Variants in B4GALT6 observed in about 807,000 individuals in gnomAD.
B4GALT6 encodes the protein UDP-Gal:beta-GlcNAc beta-1,4-galactosyltransferase 6.
B4GALT6 carries 14 observed loss-of-function variants against 46.3 expected under a neutral mutation model. The ratio of observed to expected loss-of-function variants is 0.30; its 90% CI spans 0.20 to 0.47. The LOEUF (loss-of-function observed/expected upper bound fraction) is 0.47. B4GALT6 is among the 20% of genes least tolerant of loss of function. The pLI, the probability that B4GALT6 is intolerant of heterozygous loss-of-function variation, is 0.99. For synonymous variants in B4GALT6, 168 were observed against 162.0 expected, an observed-to-expected ratio of 1.04 and a Z score of -0.28; for missense variants, 386 against 480.1, an observed-to-expected ratio of 0.80 and a Z score of 1.83.
At chr18:31,691,638 T>A in the B4GALT6 span, among the ~76,000 whole-genome samples, 1 of 152,126 alleles carries the variant, frequency 6.6e-6, no homozygotes, top group African/African-American at 2.4e-5. Flanking sequence ...GTCATAAGGC[T>A]CATAAGATTT....
In B4GALT6 at chr18:31,625,459, A is replaced by G. The variant is rs2073680014; in HGVS notation, c.*155T>C. Reference sequence around the variant, plus strand: ...AGGGAGGACGGGTGAGAGAAGGGTGACTGTATATAGTCCCACTCTGTAAAC... The same window carrying G: ...AGGGAGGACGGGTGAGAGAAGGGTGGCTGTATATAGTCCCACTCTGTAAAC... On this transcript the variant is annotated 3_prime_UTR_variant, in exon 9 of 9. Coordinates refer to ENST00000306851, the MANE Select transcript of B4GALT6 (RefSeq NM_004775.5). 1.4e-6 allele frequency: 1 copy of G among 717,964 alleles called. No homozygotes were observed. Among genetic ancestry groups the G allele is most frequent in the Non-Finnish European group, 2.2e-6 (1 of 453,084 alleles). 44.5% of individuals were successfully genotyped at this position (717,964 alleles called of 1,614,324 possible).
chr18:31,688,007 T>C (rs962035001), upstream of B4GALT6, among the ~76,000 whole-genome samples: 2 of 152,038 alleles, frequency 1.3e-5, no homozygotes, highest in African/African-American at 4.8e-5. Flanking sequence ...AAGAAAATAG[T>C]GTATAGAATC....
intron 4 of B4GALT6, among the ~76,000 whole-genome samples, chr18:31,644,141 T>G (rs1489726675): frequency 6.6e-6 from 1 of 152,220 alleles, no homozygotes; most frequent in African/African-American, 2.4e-5. Flanking sequence ...AAATTAAATG[T>G]TTTGCTAAAA....
the B4GALT6 span, among the ~76,000 whole-genome samples, chr18:31,702,128 G>A: frequency 3.9e-5 from 6 of 152,156 alleles, no homozygotes; most frequent in African/African-American, 1.4e-4. Flanking sequence ...ATACTTTCTT[G>A]CACCTATTGG....
At chr18:31,710,488 A>G in the B4GALT6 span, among the ~76,000 whole-genome samples, 1 of 152,154 alleles carries the variant, frequency 6.6e-6, no homozygotes, top group African/African-American at 2.4e-5. Flanking sequence ...CTATCCTTAC[A>G]TCAGAGGAGA....
the B4GALT6 span, among the ~76,000 whole-genome samples, chr18:31,705,336 C>T: frequency 6.6e-6 from 1 of 152,184 alleles, no homozygotes; most frequent in Non-Finnish European, 1.5e-5. Flanking sequence ...TTTTAACAAA[C>T]TCACTCATGG....
chr18:31,724,160 T>G, the B4GALT6 span: 1 of 248,586 alleles, frequency 4.0e-6, no homozygotes, highest in African/African-American at 2.3e-5. Context: ...TAAATAAAGG[T>G]GTAGTTAATA....
At chr18:31,701,230 G>C in the B4GALT6 span, among the ~76,000 whole-genome samples, 2 of 152,092 alleles carry the variant, frequency 1.3e-5, no homozygotes, top group African/African-American at 4.8e-5. Flanking sequence ...TCTTGTGGTG[G>C]TGAGTGAGTA....
chr18:31,669,526 A>G (rs532046037), intron 1 of B4GALT6, among the ~76,000 whole-genome samples: 2 of 152,266 alleles, frequency 1.3e-5, no homozygotes, highest in South Asian at 2.1e-4. Context: ...ACTTTTTTCT[A>G]ATTTCTTAAT....
chr18:31,698,556 A>G, the B4GALT6 span, among the ~76,000 whole-genome samples: 1 of 152,120 alleles, frequency 6.6e-6, no homozygotes, highest in Non-Finnish European at 1.5e-5. Context: ...TCTTGAACCC[A>G]GAAGTTGGAG....
chr18:31,668,479 AAAAT>A (rs1347723754), intron 1 of B4GALT6, among the ~76,000 whole-genome samples: 6 of 152,234 alleles, frequency 3.9e-5, no homozygotes, highest in Non-Finnish European at 8.8e-5. Context: ...GAAATTATTT[AAAAT>A]AAATAGACCA....
At chr18:31,628,753 C>T (rs2073735563) in intron 6 of B4GALT6, among the ~76,000 whole-genome samples, 1 of 152,168 alleles carries the variant, frequency 6.6e-6, no homozygotes, top group Non-Finnish European at 1.5e-5. Flanking sequence ...CTGCCATTCT[C>T]CTAGAGCTAC....
chr18:31,663,314 A>G (rs1276587801), intron 2 of B4GALT6, among the ~76,000 whole-genome samples: 2 of 152,186 alleles, frequency 1.3e-5, no homozygotes, highest in African/African-American at 4.8e-5. Context: ...GGGGGCCTCA[A>G]TTCATGTACC....
At chr18:31,712,523 G>A in the B4GALT6 span, among the ~76,000 whole-genome samples, 14 of 151,846 alleles carry the variant, frequency 9.2e-5, no homozygotes, top group Non-Finnish European at 2.1e-4. Flanking sequence ...GGCTGGTCTC[G>A]AACTCCTGAC....
At chr18:31,717,629 A>G in the B4GALT6 span, among the ~76,000 whole-genome samples, 1 of 152,234 alleles carries the variant, frequency 6.6e-6, no homozygotes, top group African/African-American at 2.4e-5. Context: ...AGCAGAATCC[A>G]AAACAGAATG....
chr18:31,638,774 T>TA lies in B4GALT6; in HGVS notation c.472-15dup. 1.3e-6 allele frequency: 2 copies of TA among 1,559,314 alleles called. No individual in the cohort carries two copies. Among genetic ancestry groups the TA allele is most frequent in the Non-Finnish European group, 1.8e-6 (2 of 1,130,502 alleles). On this transcript the variant is annotated splice_polypyrimidine_tract_variant and intron_variant, in intron 4 of 8. Coordinates refer to ENST00000306851, the MANE Select transcript of B4GALT6 (RefSeq NM_004775.5). ...GAGAACTGCCACCTTTAAAACAAAA[T>TA]AGTCATGTATGTAAATAAATATATC...
rs560166491 is a variant in B4GALT6, at chr18:31,666,387, T to C, written c.116-15A>G. ...ATATGTGTTGGCTATAAAAGAAAAA[T>C]AGAGAAAGAATGTCATAACACAGTA... On this transcript the variant is annotated splice_polypyrimidine_tract_variant and intron_variant, in intron 1 of 8. Transcript: ENST00000306851. 4 of 1,345,142 alleles carry C rather than the reference T, an allele frequency of 3.0e-6. No individual in the cohort carries two copies. Among genetic ancestry groups the C allele is most frequent in the Middle Eastern group, 1.8e-4 (1 of 5,476 alleles). The allele number at this position is 1,345,142 out of a possible 1,614,324, so 83.3% of individuals were successfully genotyped here. A position where few individuals can be genotyped will look rare whatever the true frequency, so the allele number is the denominator to read the frequency against.
At chr18:31,678,820 G>A (rs747489631) in intron 1 of B4GALT6, among the ~76,000 whole-genome samples, 7 of 152,208 alleles carry the variant, frequency 4.6e-5, no homozygotes, top group Non-Finnish European at 8.8e-5. Context: ...TGGGCCCTTG[G>A]ACAGGGGGGC....
At chr18:31,705,901 C>A in the B4GALT6 span, among the ~76,000 whole-genome samples, 1 of 152,154 alleles carries the variant, frequency 6.6e-6, no homozygotes, top group Non-Finnish European at 1.5e-5. Flanking sequence ...CTATACACAC[C>A]CAGTTCCTCA....
Sources: gnomAD v4.1 joint callset for allele counts (sites outside exome capture counted in the v4.1 genomes callset) on GRCh38, gnomAD v4.1.1 for gene constraint, MANE v1.5 for transcripts, NCBI Gene and HGNC (gene_info 2026-07-23, HGNC 2026-07-21) for gene names.